NRG1: variants seen among roughly 807,000 people sequenced by gnomAD.
NRG1 encodes neuregulin 1.
NRG1 carries 18 observed loss-of-function variants against 63.8 expected under a neutral mutation model. That is an observed-to-expected ratio of 0.28 (90% CI 0.19 to 0.42). NRG1 has a LOEUF of 0.42. Ranked by LOEUF, NRG1 falls within the 10% of genes least tolerant of loss-of-function variation. NRG1 has a pLI of 1.00. For missense variants in NRG1, 762 were observed against 814.7 expected (o/e 0.94, Z 0.79); for synonymous variants, 302 against 301.3 (o/e 1.00, Z -0.02).
chr8:32,085,374 G>A (rs1015577085), intron 1 of NRG1, among the ~76,000 whole-genome samples: 1 of 152,132 alleles, frequency 6.6e-6, no homozygotes, highest in Non-Finnish European at 1.5e-5. Context: ...GCTTCTATGA[G>A]TTTGACTATT....
At chr8:32,623,119 A>G (rs2129542792) in intron 5 of NRG1, among the ~76,000 whole-genome samples, 1 of 152,372 alleles carries the variant, frequency 6.6e-6, no homozygotes, top group African/African-American at 2.4e-5. Context: ...CACCTAAAAA[A>G]GCTAGCTGAA....
chr8:32,259,474 G>A (rs1418769776), intron 1 of NRG1, among the ~76,000 whole-genome samples: 1 of 152,134 alleles, frequency 6.6e-6, no homozygotes, highest in Non-Finnish European at 1.5e-5. Context: ...ACCATCCCCA[G>A]ATGCCAGCAT....
chr8:32,540,273 T>A (rs771728593), intron 1 of NRG1, among the ~76,000 whole-genome samples: 1 of 152,072 alleles, frequency 6.6e-6, no homozygotes, highest in African/African-American at 2.4e-5. Context: ...AGAAAATATA[T>A]ATTAAATTCT....
intron 1 of NRG1, among the ~76,000 whole-genome samples, chr8:31,787,266 A>G (rs896797326): frequency 1.3e-5 from 2 of 152,228 alleles, no homozygotes; most frequent in Non-Finnish European, 2.9e-5. Flanking sequence ...ACTTCTTTTT[A>G]GAGATCTATT....
At chr8:31,957,371 G>A (rs989353956) in intron 1 of NRG1, among the ~76,000 whole-genome samples, 11 of 152,048 alleles carry the variant, frequency 7.2e-5, no homozygotes, top group African/African-American at 2.4e-4. Flanking sequence ...AAAATATGGT[G>A]CACTGGGCTA....
intron 1 of NRG1, among the ~76,000 whole-genome samples, chr8:32,248,134 C>T (rs1848765972): frequency 6.6e-6 from 1 of 151,968 alleles, no homozygotes; most frequent in Admixed American, 6.6e-5. Context: ...TTTTTCTTAA[C>T]AAAAACATGT....
chr8:31,778,605 C>T (rs1390664628), intron 1 of NRG1, among the ~76,000 whole-genome samples: 1 of 152,148 alleles, frequency 6.6e-6, no homozygotes, highest in Non-Finnish European at 1.5e-5. Context: ...TGCACTGTTG[C>T]CTGGCTTGTT....
At chr8:32,557,359 T>C (rs1348461625) in intron 1 of NRG1, among the ~76,000 whole-genome samples, 1 of 152,196 alleles carries the variant, frequency 6.6e-6, no homozygotes, top group Non-Finnish European at 1.5e-5. Flanking sequence ...TATCTTTTGG[T>C]ATTTTATCTC....
At chr8:32,412,445 T>C (rs1014033644) in intron 1 of NRG1, among the ~76,000 whole-genome samples, 9,585 of 57,840 alleles carry the variant, frequency 0.17, 562 homozygotes, top group South Asian at 0.31. Context: ...TATATATATA[T>C]ATATATACAT....
In NRG1 at chr8:31,768,923, A is replaced by G. The variant is rs780141173; in HGVS notation, c.37+129492A>G. ...TTTCTCTGGACACCAGCTACCTTCA[A>G]TAGTGCCAGGTTCAGTGTCTAACCA... On this transcript the variant is annotated intron_variant, in intron 1 of 10. Transcript: ENST00000519301. Among the ~76,000 whole-genome samples the G allele has an allele frequency of 3.3e-5, 5 of 152,306 alleles. No homozygotes were observed. In the South Asian group the frequency reaches 8.3e-4, roughly 25 times the overall value.
Position 31,740,659 on chromosome 8 carries a change from C to A in NRG1, c.37+101228C>A, listed in dbSNP as rs117237981. On this transcript the variant is annotated intron_variant, in intron 1 of 10. Coordinates refer to the NRG1 transcript ENST00000519301. ...TGGAATTCGATGTGTGTGTATGTAC[C>A]TGTGTGAGTGCATGTGTGTGTGTGT... 3.9e-3 allele frequency among the ~76,000 whole-genome samples: 584 copies of A among 150,406 alleles called. 1 individual carries two copies. Among genetic ancestry groups the A allele is most frequent in the South Asian group, 0.019 (89 of 4,780 alleles).
intron 5 of NRG1, among the ~76,000 whole-genome samples, chr8:32,667,872 C>T (rs1012476448): frequency 6.6e-6 from 1 of 152,006 alleles, no homozygotes; most frequent in Non-Finnish European, 1.5e-5. Flanking sequence ...CCATAGATAA[C>T]GATGATGGCA....
chr8:31,773,257 T>A (rs1818808603), intron 1 of NRG1, among the ~76,000 whole-genome samples: 1 of 152,184 alleles, frequency 6.6e-6, no homozygotes, highest in Non-Finnish European at 1.5e-5. Context: ...TGCTGCTACA[T>A]CATGTGCTTG....
At chr8:32,215,067 CAAAT>C in intron 1 of NRG1, among the ~76,000 whole-genome samples, 1 of 152,180 alleles carries the variant, frequency 6.6e-6, no homozygotes. Context: ...AGATAAACAA[CAAAT>C]AATTTTTAGC....
chr8:31,876,045 A>G (rs1470846959), intron 1 of NRG1, among the ~76,000 whole-genome samples: 1 of 151,518 alleles, frequency 6.6e-6, no homozygotes. Context: ...AAACAAACAA[A>G]CAAACAAACA....
At chr8:32,267,445 C>T (rs1222710625) in intron 1 of NRG1, among the ~76,000 whole-genome samples, 1 of 152,172 alleles carries the variant, frequency 6.6e-6, no homozygotes, top group African/African-American at 2.4e-5. Context: ...TGAGCTCTCT[C>T]ATTTGCCAAA....
intron 1 of NRG1, among the ~76,000 whole-genome samples, chr8:32,312,120 T>C (rs544174404): frequency 6.6e-6 from 1 of 150,496 alleles, no homozygotes; most frequent in Non-Finnish European, 1.5e-5. Flanking sequence ...TAGAACACGA[T>C]GAAGTGGAGC....
intron 1 of NRG1, among the ~76,000 whole-genome samples, chr8:32,556,046 T>C (rs1835116218): frequency 6.6e-6 from 1 of 152,250 alleles, no homozygotes. Flanking sequence ...GGAGTTTTAC[T>C]TTCAATGATA....
At chr8:32,379,953 A>G (rs1378569119) in intron 1 of NRG1, among the ~76,000 whole-genome samples, 3 of 152,172 alleles carry the variant, frequency 2.0e-5, no homozygotes, top group Non-Finnish European at 4.4e-5. Context: ...CACCTTCAAA[A>G]ACAAAAAGAA....
Sources: gnomAD v4.1 joint callset for allele counts (sites outside exome capture counted in the v4.1 genomes callset) on GRCh38, gnomAD v4.1.1 for gene constraint, MANE v1.5 for transcripts, NCBI Gene and HGNC (gene_info 2026-07-23, HGNC 2026-07-21) for gene names.